Variants in SPOCK1 observed in about 807,000 individuals in gnomAD.
SPOCK1 encodes SPARC (osteonectin), cwcv and kazal like domains proteoglycan 1, also known as testican-1.
In SPOCK1, 23 loss-of-function variants were observed where a neutral mutation model predicts 55.3. That is an observed-to-expected ratio of 0.42 (90% confidence interval 0.30 to 0.59). SPOCK1 has a LOEUF of 0.59. Among genes scored for constraint, SPOCK1 ranks in the 20% least tolerant of loss-of-function variants. The pLI is 0.22. For missense variants in SPOCK1, 499 were observed against 552.5 expected (o/e 0.90, Z 0.97); for synonymous variants, 226 against 221.0 (o/e 1.02, Z -0.20).
At position 136,992,531 on chromosome 5, in the gene SPOCK1, T is replaced by A. The variant is rs1750968390; in HGVS notation, c.659A>T (p.Asp220Val). The change falls in exon 7 of 11, where the codon GAT becomes GTT. Residue 220 changes from aspartate to valine, a missense_variant. Asp to Val is a radical substitution (Grantham distance 152). Around this residue, in one of 3 missense-constraint regions of SPOCK1, gnomAD observed 386 missense variants for 400.6 expected, o/e 0.96. Coordinates refer to ENST00000394945, the MANE Select transcript of SPOCK1 (RefSeq NM_004598.4). ...GGTGGGCTTGATGACTCTGTTCGCA[T>A]CCTCGTGGAGAGCTCCAAACCAATC... Reference protein sequence around the residue: ...LKDWFGALHEDANRVIKPTSS... With the variant: ...LKDWFGALHEVANRVIKPTSS... 1 of 1,613,980 alleles carries A rather than the reference T, an allele frequency of 6.2e-7. No homozygotes were observed. Among genetic ancestry groups the A allele is most frequent in the Non-Finnish European group, 8.5e-7 (1 of 1,179,904 alleles).
intron 2 of SPOCK1, among the ~76,000 whole-genome samples, chr5:137,305,983 C>T (rs1232036513): frequency 6.6e-6 from 1 of 152,200 alleles, no homozygotes; most frequent in Admixed American, 6.5e-5. Flanking sequence ...TGGAATCCAG[C>T]TAAGAGGTGG....
At chr5:137,329,383 T>G (rs528550615) in intron 2 of SPOCK1, among the ~76,000 whole-genome samples, 177 of 152,226 alleles carry the variant, frequency 1.2e-3, no homozygotes, top group Non-Finnish European at 1.9e-3. Flanking sequence ...TACACCTATA[T>G]ATACACATAC....
chr5:136,987,548 C>A (rs1454937345), intron 8 of SPOCK1, among the ~76,000 whole-genome samples: 1 of 152,154 alleles, frequency 6.6e-6, no homozygotes, highest in African/African-American at 2.4e-5. Flanking sequence ...AAGGCACATG[C>A]CTTTTGACTA....
intron 2 of SPOCK1, among the ~76,000 whole-genome samples, chr5:137,362,755 T>C (rs555882772): frequency 6.6e-6 from 1 of 152,352 alleles, no homozygotes; most frequent in Admixed American, 6.5e-5. Flanking sequence ...ATGAGCATGG[T>C]TGCCTTCAAA....
At chr5:137,250,489 T>G (rs1203156685) in intron 3 of SPOCK1, among the ~76,000 whole-genome samples, 1 of 152,230 alleles carries the variant, frequency 6.6e-6, no homozygotes, top group Admixed American at 6.5e-5. Flanking sequence ...AATCAGGATT[T>G]TTTTTAACAG....
Position 137,261,174 on chromosome 5 carries a change from G to A in SPOCK1, c.232+5836C>T, listed in dbSNP as rs181805943. 6.8e-4 allele frequency among the ~76,000 whole-genome samples: 104 copies of A among 152,320 alleles called. 2 individuals carry two copies. In the East Asian group the frequency reaches 0.016, roughly 24 times the overall value. On this transcript the variant is annotated intron_variant, in intron 3 of 10. Coordinates refer to ENST00000394945, the MANE Select transcript of SPOCK1 (RefSeq NM_004598.4). ...TGCTAATCAGAGGTTCTTTTAGGGT[G>A]AGGCTAAACTCCACATTATGAAGAA...
At chr5:137,046,043 T>C (rs1752096792) in intron 6 of SPOCK1, among the ~76,000 whole-genome samples, 1 of 1,478 alleles carries the variant, frequency 6.8e-4, no homozygotes, top group Admixed American at 4.2e-3. Flanking sequence ...TTTTGGTTAC[T>C]GTAGCCTTGT....
chr5:137,186,627 G>C (rs953170018), intron 3 of SPOCK1, among the ~76,000 whole-genome samples: 2 of 152,180 alleles, frequency 1.3e-5, no homozygotes, highest in Non-Finnish European at 2.9e-5. Context: ...TGCTGGGTTG[G>C]ATTTATATAA....
chr5:137,368,921 G>C (rs1294929639), intron 2 of SPOCK1, among the ~76,000 whole-genome samples: 2 of 152,254 alleles, frequency 1.3e-5, no homozygotes, highest in East Asian at 1.9e-4. Context: ...GCAGCAAGCT[G>C]CAGCTAGGCA....
At chr5:137,291,592 C>G (rs1757370412) in intron 2 of SPOCK1, among the ~76,000 whole-genome samples, 1 of 152,186 alleles carries the variant, frequency 6.6e-6, no homozygotes, top group South Asian at 2.1e-4. Flanking sequence ...CTTTATATGT[C>G]CAGGCTAGAA....
chr5:136,981,771 C>G (rs1033260666), intron 9 of SPOCK1, among the ~76,000 whole-genome samples: 3 of 152,164 alleles, frequency 2.0e-5, no homozygotes, highest in African/African-American at 7.2e-5. Context: ...AGCATGAATG[C>G]TAACAAATCT....
At chr5:137,349,550 T>A (rs1032826442) in intron 2 of SPOCK1, among the ~76,000 whole-genome samples, 1 of 152,198 alleles carries the variant, frequency 6.6e-6, no homozygotes, top group African/African-American at 2.4e-5. Context: ...CTGAGTGGCT[T>A]AGCACAGAAA....
chr5:137,358,580 G>A (rs1262037264), intron 2 of SPOCK1, among the ~76,000 whole-genome samples: 1 of 151,136 alleles, frequency 6.6e-6, no homozygotes, highest in African/African-American at 2.4e-5. Context: ...AAGGGGAAGG[G>A]GGAGATAAAC....
intron 2 of SPOCK1, among the ~76,000 whole-genome samples, chr5:137,439,157 G>A (rs1752931162): frequency 6.6e-6 from 1 of 152,214 alleles, no homozygotes; most frequent in Admixed American, 6.5e-5. Context: ...GAGATGAAGA[G>A]ACAGAGGATG....
chr5:137,417,623 A>T (rs1286422317), intron 2 of SPOCK1, among the ~76,000 whole-genome samples: 2 of 152,166 alleles, frequency 1.3e-5, no homozygotes, highest in African/African-American at 4.8e-5. Flanking sequence ...TTAAGAAAAC[A>T]TTAAAGTCTG....
At chr5:137,405,251 A>G (rs140568735) in intron 2 of SPOCK1, among the ~76,000 whole-genome samples, 60 of 152,342 alleles carry the variant, frequency 3.9e-4, no homozygotes, top group African/African-American at 1.3e-3. Context: ...TGATTTTGCA[A>G]GCATCAAAGG....
intron 6 of SPOCK1, among the ~76,000 whole-genome samples, chr5:137,055,150 A>T (rs567987872): frequency 2.6e-5 from 4 of 152,336 alleles, no homozygotes; most frequent in African/African-American, 9.6e-5. Context: ...TATTACCCTG[A>T]GACATAAGTG....
intron 2 of SPOCK1, among the ~76,000 whole-genome samples, chr5:137,405,010 G>A (rs1752067686): frequency 1.3e-5 from 2 of 152,180 alleles, no homozygotes. Context: ...CCTCCCAGGT[G>A]ATGCTCTTAA....
chr5:137,415,036 C>T (rs560124800), intron 2 of SPOCK1, among the ~76,000 whole-genome samples: 3 of 152,246 alleles, frequency 2.0e-5, no homozygotes, highest in Admixed American at 6.5e-5. Context: ...GGAACTAGCA[C>T]AGTTACAAGT....
Sources: gnomAD v4.1 joint callset for allele counts (sites outside exome capture counted in the v4.1 genomes callset) on GRCh38, gnomAD v4.1.1 for gene constraint, gnomAD v4.1.1 regional missense constraint, MANE v1.5 for transcripts, NCBI Gene and HGNC (gene_info 2026-07-23, HGNC 2026-07-21) for gene names.